The following MIA2 variants were observed in gnomAD, a reference collection of about 807,000 sequenced individuals.
The protein encoded by MIA2 is MIA SH3 domain ER export factor 2.
Under a neutral mutation model 167.8 loss-of-function variants are expected in MIA2, and 127 were observed. The observed-to-expected ratio is 0.76, with a 90% confidence interval of 0.66 to 0.88. MIA2 has a LOEUF of 0.88. MIA2 is among the 40% of genes least tolerant of loss of function. The pLI is 0.00. For missense variants in MIA2, 1,690 were observed against 1,624.7 expected, an observed-to-expected ratio of 1.04 and a Z score of -0.69; for synonymous variants, 552 against 541.9, an observed-to-expected ratio of 1.02 and a Z score of -0.26.
chr14:39,370,545 G>T, intron 23 of MIA2: 1 of 370,770 alleles, frequency 2.7e-6, no homozygotes, highest in Admixed American at 2.7e-5. Context: ...GCAGTTGTAG[G>T]ATATGCACCA....
intron 17 of MIA2, 47 bp from the exon 18 acceptor site, chr14:39,308,402 A>G: frequency 8.4e-7 from 1 of 1,189,882 alleles, no homozygotes; most frequent in Non-Finnish European, 1.2e-6. Flanking sequence ...GTTAATATGC[A>G]ACTCAAAATG....
At chr14:39,246,626 G>A (rs1433383062) in intron 3 of MIA2, among the ~76,000 whole-genome samples, 1 of 152,134 alleles carries the variant, frequency 6.6e-6, no homozygotes, top group Non-Finnish European at 1.5e-5. Context: ...TTTGAATCCT[G>A]GAGTTCAAGC....
At chr14:39,267,429 C>G in intron 6 of MIA2, 11 of 1,610,888 alleles carry the variant, frequency 6.8e-6, no homozygotes, top group Non-Finnish European at 8.5e-6. Context: ...GCCGGGGTTA[C>G]TGTGGCGACC....
At chr14:39,256,475 G>T (rs1305453269) in intron 6 of MIA2, among the ~76,000 whole-genome samples, 1 of 151,878 alleles carries the variant, frequency 6.6e-6, no homozygotes, top group Non-Finnish European at 1.5e-5. Context: ...GCTTTGTAAT[G>T]TTCAAGTACT....
At position 39,259,233 on chromosome 14, in the gene MIA2, T is replaced by C. The variant is rs371200413; in HGVS notation, c.1887+6062T>C. Among the ~76,000 whole-genome samples the C allele has an allele frequency of 2.2e-4, 34 of 152,210 alleles. No individual in the cohort carries two copies. The East Asian group carries it at 6.4e-3, about 29-fold the overall frequency. On this transcript the variant is annotated intron_variant, in intron 6 of 28. Transcript: ENST00000640607. The stretch of plus-strand genomic sequence containing the variant: ...CCCCAGGTGCTCTGTCCCAGGGAAA[T>C]GGGGGTTTTGTCTGTAAGCCCCTAA...
chr14:39,265,464 G>T, intron 6 of MIA2: 1 of 1,524,936 alleles, frequency 6.6e-7, no homozygotes, highest in South Asian at 1.2e-5. Context: ...AATGAGGTTT[G>T]GAATTTTGCA....
chr14:39,340,659 G>C (rs2071595810), intron 25 of MIA2, among the ~76,000 whole-genome samples: 1 of 152,134 alleles, frequency 6.6e-6, no homozygotes, highest in African/African-American at 2.4e-5. Context: ...ACTTAATAAG[G>C]TGTTCTGAAG....
chr14:39,386,578 C>T (rs2075275793), intron 23 of MIA2: 1 of 1,100,986 alleles, frequency 9.1e-7, no homozygotes, highest in Non-Finnish European at 1.3e-6. Context: ...TTATCATCAC[C>T]TGCTGTGCCA....
At chr14:39,313,253 A>G in intron 18 of MIA2, 87 bp from the exon 19 acceptor site, 1 of 607,132 alleles carries the variant, frequency 1.6e-6, no homozygotes, top group South Asian at 2.7e-5. Context: ...ATTTGACAGG[A>G]ATCACCAGTT....
chr14:39,302,294 C>A, intron 15 of MIA2, 45 bp downstream of exon 15: 1 of 1,600,890 alleles, frequency 6.2e-7, no homozygotes, highest in Non-Finnish European at 8.5e-7. Context: ...TGGTGACTAG[C>A]TCTTCTATTT....
intron 25 of MIA2, among the ~76,000 whole-genome samples, chr14:39,327,922 A>G (rs1057208805): frequency 1.3e-5 from 2 of 152,206 alleles, no homozygotes; most frequent in East Asian, 1.9e-4. Context: ...CAGTGCCGCA[A>G]TAAATATACA....
At chr14:39,291,167 T>G (rs1174652603) in intron 10 of MIA2, 71 bp downstream of exon 10, 1 of 1,347,318 alleles carries the variant, frequency 7.4e-7, no homozygotes, top group Non-Finnish European at 1.0e-6. Flanking sequence ...TTTAAAAATG[T>G]ATCTTCTGAA....
chr14:39,386,577 C>A (rs1156711642), intron 23 of MIA2: 1 of 1,100,782 alleles, frequency 9.1e-7, no homozygotes, highest in Non-Finnish European at 1.3e-6. Flanking sequence ...GTTATCATCA[C>A]CTGCTGTGCC....
chr14:39,313,281 A>T (rs1359821965), intron 18 of MIA2, 59 bp from the exon 19 acceptor site: 1 of 847,148 alleles, frequency 1.2e-6, no homozygotes, highest in African/African-American at 1.8e-5. Flanking sequence ...AATTAAAAAT[A>T]TAGAATTGAT....
At chr14:39,262,428 A>G (rs1476122243) in intron 6 of MIA2, among the ~76,000 whole-genome samples, 1 of 152,154 alleles carries the variant, frequency 6.6e-6, no homozygotes, top group Non-Finnish European at 1.5e-5. Context: ...GCTTTGTAGT[A>G]TAGTTTGAAG....
intron 23 of MIA2, among the ~76,000 whole-genome samples, chr14:39,382,360 C>T (rs958842684): frequency 1.3e-5 from 2 of 152,152 alleles, no homozygotes; most frequent in Non-Finnish European, 1.5e-5. Context: ...TCCACTGAGC[C>T]CCTTCCTGGT....
rs1190517004 is a variant in MIA2, at chr14:39,385,771, A to T, written c.2249-1114A>T. 37 of 870,764 alleles carry T rather than the reference A, an allele frequency of 4.2e-5. No individual in the cohort carries two copies. In the East Asian group the frequency reaches 8.7e-4, roughly 20 times the overall value. 53.9% of individuals were successfully genotyped at this position (870,764 alleles called of 1,614,324 possible). ...GATAATAGTAGATGAATTTGTTACC[A>T]GGTCATTTAATTGCTGTTGCCTCTG... is the stretch of plus-strand genomic sequence containing the variant. On this transcript the variant is annotated intron_variant, in intron 23 of 23. Coordinates refer to the MIA2 transcript ENST00000341502.
intron 6 of MIA2, among the ~76,000 whole-genome samples, chr14:39,263,782 C>T (rs1201032463): frequency 6.6e-6 from 1 of 152,022 alleles, no homozygotes; most frequent in Non-Finnish European, 1.5e-5. Flanking sequence ...CAGGTGCACA[C>T]TACCATGCCC....
At chr14:39,302,066 A>C in intron 14 of MIA2, 63 bp from the exon 15 acceptor site, 2 of 1,531,886 alleles carry the variant, frequency 1.3e-6, no homozygotes, top group Non-Finnish European at 1.8e-6. Flanking sequence ...TACATTCACA[A>C]GTTGTAAAGC....
Sources: allele counts gnomAD v4.1 joint callset (sites outside exome capture counted in the v4.1 genomes callset), GRCh38; gene constraint gnomAD v4.1.1; transcripts MANE v1.5; gene names NCBI Gene and HGNC (gene_info 2026-07-23, HGNC 2026-07-21).